Variants in RREB1 observed in about 807,000 individuals in gnomAD.
RREB1 encodes the protein ras-responsive element-binding protein 1.
A neutral mutation model predicts 117.8 loss-of-function variants in RREB1; 27 were observed. The observed-to-expected ratio is 0.23, with a 90% CI of 0.17 to 0.32. The LOEUF (loss-of-function observed/expected upper bound fraction) is 0.32, where lower values mean the gene tolerates loss of function less well. RREB1 is among the 10% of genes least tolerant of loss of function. The probability of loss-of-function intolerance (pLI) is 1.00; values close to 1 mark genes in which losing one functional copy is unlikely to be tolerated. For missense variants in RREB1, 2,577 were observed against 2,378.2 expected (o/e 1.08, Z -1.74); for synonymous variants, 1,298 against 1,026.7 (o/e 1.26, Z -5.05).
intron 6 of RREB1, among the ~76,000 whole-genome samples, chr6:7,209,478 A>C (rs1361786413): frequency 1.3e-5 from 2 of 152,210 alleles, no homozygotes; most frequent in Non-Finnish European, 1.5e-5. Context: ...CTTAGAACAA[A>C]GCTACTTGTT....
At chr6:7,207,700 T>G (rs1197471120) in intron 6 of RREB1, among the ~76,000 whole-genome samples, 1 of 152,232 alleles carries the variant, frequency 6.6e-6, no homozygotes, top group Non-Finnish European at 1.5e-5. Flanking sequence ...ATTCCAAGGT[T>G]ACTTAGGACC....
intron 4 of RREB1, among the ~76,000 whole-genome samples, chr6:7,185,595 G>C (rs1765045088): frequency 6.6e-6 from 1 of 152,024 alleles, no homozygotes; most frequent in Non-Finnish European, 1.5e-5. Context: ...AGTTCCTATT[G>C]CTCAGAATGA....
intron 8 of RREB1, among the ~76,000 whole-genome samples, chr6:7,219,335 G>T (rs1414171257): frequency 1.3e-5 from 2 of 152,184 alleles, no homozygotes; most frequent in African/African-American, 4.8e-5. Flanking sequence ...GTGAATCTGA[G>T]TGTGAATAAG....
intron 11 of RREB1, among the ~76,000 whole-genome samples, chr6:7,245,447 T>A (rs1561807836): frequency 6.6e-6 from 1 of 152,100 alleles, no homozygotes; most frequent in Non-Finnish European, 1.5e-5. Context: ...AAATAATAGG[T>A]CCCACCAGCT....
intron 1 of RREB1, among the ~76,000 whole-genome samples, chr6:7,158,485 G>A (rs183698578): frequency 2.0e-5 from 3 of 152,148 alleles, no homozygotes; most frequent in East Asian, 1.9e-4. Flanking sequence ...CTGTAATGAG[G>A]CCCCTGCCCT....
chr6:7,211,385 T>C (rs1212722179), intron 7 of RREB1, among the ~76,000 whole-genome samples, 188 bp from the exon 8 acceptor site: 1 of 151,384 alleles, frequency 6.6e-6, no homozygotes, highest in Non-Finnish European at 1.5e-5. Flanking sequence ...GATGGATGGA[T>C]GGATGGTAGC....
At chr6:7,182,362 A>G (rs992997343) in intron 4 of RREB1, among the ~76,000 whole-genome samples, 3 of 152,172 alleles carry the variant, frequency 2.0e-5, no homozygotes, top group Non-Finnish European at 4.4e-5. Context: ...CTTGATGGCC[A>G]TGGCAGGGAA....
At chr6:7,192,385 G>A (rs541481769) in intron 6 of RREB1, among the ~76,000 whole-genome samples, 20 of 151,870 alleles carry the variant, frequency 1.3e-4, no homozygotes, top group South Asian at 4.2e-4. Context: ...TAGAGATGGG[G>A]TTTTGCTATG....
rs777115401 is a variant in RREB1, at chr6:7,246,633, GGCACTGAGGAGA to G, written c.4190_4201del (p.Glu1397_Thr1400del). On this transcript the variant is annotated inframe_deletion, in exon 12 of 13. Coordinates refer to ENST00000379938, the MANE Select transcript of RREB1 (RefSeq NM_001003699.4). ...GAGCCATGAGCCGGAGGAGGAGCAT[GGCACTGAGGAGA>G]GCACTGGGGACGCCGACGGCGCGGA... The G allele has an allele frequency of 2.2e-5, 35 of 1,571,302 alleles. No individual in the cohort carries two copies. Among genetic ancestry groups the G allele is most frequent in the Non-Finnish European group, 2.8e-5 (32 of 1,158,604 alleles).
At chr6:7,202,171 T>C (rs541874543) in intron 6 of RREB1, among the ~76,000 whole-genome samples, 1 of 152,284 alleles carries the variant, frequency 6.6e-6, no homozygotes, top group South Asian at 2.1e-4. Context: ...CTACGCTGCT[T>C]CTTGCACTCG....
intron 1 of RREB1, among the ~76,000 whole-genome samples, chr6:7,115,909 G>T (rs1761376542): frequency 6.6e-6 from 1 of 152,088 alleles, no homozygotes; most frequent in Non-Finnish European, 1.5e-5. Flanking sequence ...TGTCTGTCCT[G>T]CCCCAATGTT....
In RREB1 at chr6:7,247,190, G is replaced by A. The variant is rs1769137696; in HGVS notation, c.4740G>A (p.Gln1580=). 1.2e-6 allele frequency: 2 copies of A among 1,613,692 alleles called. No individual in the cohort carries two copies. The highest frequency in any genetic ancestry group is 2.2e-5 in the South Asian group (2 of 91,078). ...GCAACAAGCGGTTCTGGTCGCTGCA[G>A]GACCTGACCCGGCACATGCGCTCCC... is the stretch of plus-strand genomic sequence containing the variant. ...SVCNKRFWSL[Q]DLTRHMRSHT... is the part of the protein sequence containing the mutation. The change falls in exon 12 of 13, where the codon CAG becomes CAA. Residue 1580 remains glutamine (Q), a synonymous_variant. Transcript: ENST00000379938.
intron 1 of RREB1, among the ~76,000 whole-genome samples, chr6:7,129,895 A>G (rs1224673412): frequency 5.3e-5 from 8 of 152,190 alleles, no homozygotes; most frequent in African/African-American, 1.4e-4. Flanking sequence ...AGACGGGTGT[A>G]TATACCAAGA....
At chr6:7,226,826 C>T (rs1049919056) in intron 9 of RREB1, among the ~76,000 whole-genome samples, 170 bp downstream of exon 9, 1 of 152,048 alleles carries the variant, frequency 6.6e-6, no homozygotes, top group African/African-American at 2.4e-5. Context: ...TTTCGGTCTC[C>T]CTTGGGTTGT....
intron 12 of RREB1, among the ~76,000 whole-genome samples, chr6:7,248,161 A>G: frequency 6.6e-6 from 1 of 152,196 alleles, no homozygotes; most frequent in Admixed American, 6.5e-5. Flanking sequence ...CAGATCCCTG[A>G]GAGGGTCCAC....
intron 1 of RREB1, among the ~76,000 whole-genome samples, chr6:7,123,901 G>A (rs955166775): frequency 2.6e-5 from 4 of 152,040 alleles, no homozygotes; most frequent in African/African-American, 4.8e-5. Context: ...GTGAGCCACC[G>A]CGCCCGGCCT....
intron 1 of RREB1, among the ~76,000 whole-genome samples, chr6:7,173,464 G>T (rs1311285574): frequency 1.3e-5 from 2 of 151,396 alleles, no homozygotes; most frequent in African/African-American, 4.9e-5. Flanking sequence ...CTGCACTCCA[G>T]CCTGGGCGAC....
At chr6:7,211,213 G>T (rs7771069) in intron 7 of RREB1, among the ~76,000 whole-genome samples, 3 of 150,422 alleles carry the variant, frequency 2.0e-5, no homozygotes, top group Non-Finnish European at 4.4e-5. Context: ...TAGCTAAAGC[G>T]CAAGCTTCAT....
chr6:7,193,844 CAA>C (rs1024285100), intron 6 of RREB1, among the ~76,000 whole-genome samples: 1 of 152,166 alleles, frequency 6.6e-6, no homozygotes, highest in Non-Finnish European at 1.5e-5. Context: ...TGTCAGCACT[CAA>C]AAAGTTTTGA....
Sources: allele counts gnomAD v4.1 joint callset (sites outside exome capture counted in the v4.1 genomes callset), GRCh38; gene constraint gnomAD v4.1.1; transcripts MANE v1.5; gene names NCBI Gene and HGNC (gene_info 2026-07-23, HGNC 2026-07-21).